The following ROBO2 variants were observed in gnomAD, a reference collection of about 807,000 sequenced individuals.
ROBO2 encodes roundabout homolog 2.
ROBO2 carries 53 observed loss-of-function variants against 160.8 expected under a neutral mutation model. The ratio of observed to expected loss-of-function variants is 0.33; its 90% CI spans 0.26 to 0.41. The LOEUF is 0.41. Ranked by LOEUF, ROBO2 falls within the 10% of genes least tolerant of loss-of-function variation. ROBO2 has a pLI of 1.00. For missense variants in ROBO2, 1,577 were observed against 1,722.4 expected (o/e 0.92, Z 1.49); for synonymous variants, 664 against 611.7 (o/e 1.09, Z -1.26).
intron 2 of ROBO2, among the ~76,000 whole-genome samples, chr3:76,834,116 C>CTTTCTTTCTTTCTT (rs1559575341): frequency 1.7e-4 from 6 of 35,800 alleles, no homozygotes; most frequent in African/African-American, 5.8e-4. Flanking sequence ...CTTTCTTTCT[C>CTTTCTTTCTTTCTT]TCTGTCTCTC....
rs146163941 is a variant in ROBO2, at chr3:76,698,298, G to A, written c.110-399716G>A. On this transcript the variant is annotated intron_variant, in intron 2 of 26. Transcript: ENST00000487694. The stretch of plus-strand genomic sequence containing the variant: ...CCATTGACACGGTGTTTTATCGACA[G>A]GTTCCCTGGCAAAGTGTTAATGACT... Among the ~76,000 whole-genome samples the A allele has an allele frequency of 2.5e-3, 388 of 152,286 alleles. 1 individual carries two copies. The highest frequency in any genetic ancestry group is 8.8e-3 in the African/African-American group (367 of 41,566).
Position 76,249,717 on chromosome 3 carries a change from A to G in ROBO2, c.109+312115A>G, listed in dbSNP as rs185768517. On this transcript the variant is annotated intron_variant, in intron 2 of 26. Coordinates refer to the ROBO2 transcript ENST00000487694. ...CTATATTATTTGCAAGAAAGCCAAAAGACAGACAATTCCACAATGCGTTTA... is the reference window on the plus strand; with the variant it reads ...CTATATTATTTGCAAGAAAGCCAAAGGACAGACAATTCCACAATGCGTTTA... Among the ~76,000 whole-genome samples the G allele has an allele frequency of 2.3e-3, 356 of 152,214 alleles. 3 individuals carry two copies. Among genetic ancestry groups the G allele is most frequent in the African/African-American group, 8.2e-3 (341 of 41,546 alleles).
intron 2 of ROBO2, among the ~76,000 whole-genome samples, chr3:76,634,100 A>G (rs934386369): frequency 2.0e-5 from 3 of 152,224 alleles, no homozygotes; most frequent in African/African-American, 7.2e-5. Context: ...AAACAACAGA[A>G]ATTTATTTTC....
intron 2 of ROBO2, among the ~76,000 whole-genome samples, chr3:76,384,130 C>T (rs559697625): frequency 2.2e-4 from 33 of 152,280 alleles, no homozygotes; most frequent in African/African-American, 7.9e-4. Flanking sequence ...CTTTGCCAAC[C>T]GCACAGTCAT....
At chr3:77,347,879 T>C (rs1013170830) in intron 2 of ROBO2, among the ~76,000 whole-genome samples, 1 of 152,158 alleles carries the variant, frequency 6.6e-6, no homozygotes, top group African/African-American at 2.4e-5. Flanking sequence ...TCAGGGTTTT[T>C]AGACCTCATT....
chr3:76,026,317 C>G (rs1356423246), intron 2 of ROBO2, among the ~76,000 whole-genome samples: 1 of 151,844 alleles, frequency 6.6e-6, no homozygotes, highest in Non-Finnish European at 1.5e-5. Flanking sequence ...GCACTGAATG[C>G]ACCTTCATTT....
rs539458569 is a variant in ROBO2 at position 75,911,394 on chromosome 3, A to C, written c.-14+4434A>C. ...TCTTGTGTAAAATGGGGAGACTAAG[A>C]GCATGTAACTCAAAATTCTTTGTTA... On this transcript the variant is annotated intron_variant, in intron 1 of 26. Transcript: ENST00000487694. 1.2e-4 allele frequency among the ~76,000 whole-genome samples: 18 copies of C among 152,254 alleles called. No individual in the cohort carries two copies. The East Asian group carries it at 3.5e-3, about 29-fold the overall frequency.
intron 6 of ROBO2, among the ~76,000 whole-genome samples, chr3:77,533,673 G>T (rs1416312287): frequency 2.6e-5 from 4 of 152,144 alleles, no homozygotes; most frequent in Non-Finnish European, 4.4e-5. Flanking sequence ...CATGTGCTTT[G>T]CTTTGTAGCT....
rs898088204 is a variant in ROBO2, at chr3:76,710,160, C to T, written c.110-387854C>T. 1.7e-4 allele frequency among the ~76,000 whole-genome samples: 26 copies of T among 151,540 alleles called. 1 individual carries two copies. The highest frequency in any genetic ancestry group is 1.1e-3 in the Admixed American group (17 of 15,200). ...TTTGAGATAGAGTCTCACTCTGTCG[C>T]GCCAAGCTGGAGTGCAGTGGCACAA... On this transcript the variant is annotated intron_variant, in intron 2 of 26. Coordinates refer to the ROBO2 transcript ENST00000487694.
chr3:76,180,987 T>C (rs1264925639), intron 2 of ROBO2, among the ~76,000 whole-genome samples: 1 of 152,112 alleles, frequency 6.6e-6, no homozygotes, highest in Non-Finnish European at 1.5e-5. Context: ...TATTCCTGAC[T>C]CTACTCCTTT....
chr3:77,335,064 A>G (rs2066352526), intron 2 of ROBO2, among the ~76,000 whole-genome samples: 2 of 152,188 alleles, frequency 1.3e-5, no homozygotes, highest in African/African-American at 4.8e-5. Context: ...CACATTATTA[A>G]TATACACTTA....
At chr3:76,171,957 G>C (rs559687009) in intron 2 of ROBO2, among the ~76,000 whole-genome samples, 1 of 152,056 alleles carries the variant, frequency 6.6e-6, no homozygotes, top group African/African-American at 2.4e-5. Flanking sequence ...CCCCTAAGCT[G>C]TACTTGTAAA....
At chr3:76,143,614 A>C (rs1377638164) in intron 2 of ROBO2, among the ~76,000 whole-genome samples, 1 of 152,026 alleles carries the variant, frequency 6.6e-6, no homozygotes, top group Non-Finnish European at 1.5e-5. Context: ...CCCCAAAGCC[A>C]ATTCAAAAAC....
intron 2 of ROBO2, among the ~76,000 whole-genome samples, chr3:76,212,141 C>A (rs1221446966): frequency 2.6e-5 from 4 of 151,932 alleles, no homozygotes; most frequent in Non-Finnish European, 5.9e-5. Context: ...GCTAACCTCT[C>A]TAATAATATA....
chr3:76,700,676 T>A (rs2093029243), intron 2 of ROBO2, among the ~76,000 whole-genome samples: 1 of 152,156 alleles, frequency 6.6e-6, no homozygotes, highest in African/African-American at 2.4e-5. Context: ...TCTTCTTCAA[T>A]GAAGTGTGCC....
At chr3:76,756,663 A>C (rs1457669845) in intron 2 of ROBO2, among the ~76,000 whole-genome samples, 1 of 151,704 alleles carries the variant, frequency 6.6e-6, no homozygotes, top group Non-Finnish European at 1.5e-5. Context: ...TTAATTATCT[A>C]TTTTTCTTAG....
At position 76,182,154 on chromosome 3, in the gene ROBO2, G is replaced by T. The variant is rs543436312; in HGVS notation, c.109+244552G>T. 9.2e-5 allele frequency among the ~76,000 whole-genome samples: 14 copies of T among 151,510 alleles called. No homozygotes were observed. The South Asian group carries it at 2.5e-3, about 27-fold the overall frequency. On this transcript the variant is annotated intron_variant, in intron 2 of 26. Coordinates refer to the ROBO2 transcript ENST00000487694. ...TGAATTAATATATTTTCAATGAAAA[G>T]AAAGCAATTGAATTTCCTGTGAACT...
intron 2 of ROBO2, among the ~76,000 whole-genome samples, chr3:76,824,889 A>G (rs1214244989): frequency 6.6e-6 from 1 of 152,150 alleles, no homozygotes; most frequent in Non-Finnish European, 1.5e-5. Flanking sequence ...GGGATAGTAT[A>G]GTTTGCTGAG....
chr3:76,050,792 C>T (rs749763082), intron 2 of ROBO2, among the ~76,000 whole-genome samples: 4 of 152,192 alleles, frequency 2.6e-5, no homozygotes, highest in Non-Finnish European at 5.9e-5. Flanking sequence ...TCCAACAGGG[C>T]TCAGCAGGTG....
Sources: allele counts gnomAD v4.1 joint callset (sites outside exome capture counted in the v4.1 genomes callset), GRCh38; gene constraint gnomAD v4.1.1; transcripts MANE v1.5; gene names NCBI Gene and HGNC (gene_info 2026-07-23, HGNC 2026-07-21).